DOCK3: variants seen among roughly 807,000 people sequenced by gnomAD.
DOCK3 encodes dedicator of cytokinesis protein 3.
Under a neutral mutation model 265.6 loss-of-function variants are expected in DOCK3, and 60 were observed. That is an observed-to-expected ratio of 0.23 (90% CI 0.18 to 0.28). The LOEUF (loss-of-function observed/expected upper bound fraction) is 0.28, where lower values mean the gene tolerates loss of function less well. DOCK3 is among the 10% of genes least tolerant of loss of function. The pLI, the probability that DOCK3 is intolerant of heterozygous loss-of-function variation, is 1.00. For synonymous variants in DOCK3, 881 were observed against 938.0 expected (o/e 0.94, Z 1.11); for missense variants, 1,981 against 2,594.3 (o/e 0.76, Z 5.14).
chr3:50,821,889 TACC>T (rs1164863439), intron 2 of DOCK3, among the ~76,000 whole-genome samples: 33 of 152,344 alleles, frequency 2.2e-4, no homozygotes, highest in African/African-American at 7.7e-4. Flanking sequence ...TTTGTACCAG[TACC>T]ATGCTGTTTT....
chr3:51,264,325 A>C (rs1388247757), intron 23 of DOCK3, among the ~76,000 whole-genome samples: 1 of 152,128 alleles, frequency 6.6e-6, no homozygotes, highest in Non-Finnish European at 1.5e-5. Flanking sequence ...TACATAACGA[A>C]ATTAAGGCAG....
chr3:51,101,987 TTTG>T (rs1332902363), intron 9 of DOCK3, among the ~76,000 whole-genome samples: 1 of 152,178 alleles, frequency 6.6e-6, no homozygotes, highest in African/African-American at 2.4e-5. Context: ...AAGCTTGAAG[TTTG>T]TTACCTTTCT....
chr3:50,750,191 G>A (rs1256525068), intron 1 of DOCK3, among the ~76,000 whole-genome samples: 2 of 152,010 alleles, frequency 1.3e-5, no homozygotes, highest in African/African-American at 2.4e-5. Context: ...CTGAGGTAGG[G>A]CAATTTCATC....
chr3:51,043,289 A>G (rs749173897), intron 5 of DOCK3, among the ~76,000 whole-genome samples: 9 of 152,200 alleles, frequency 5.9e-5, no homozygotes, highest in Admixed American at 5.2e-4. Context: ...CCGCACACCT[A>G]CAACTATCTG....
intron 5 of DOCK3, among the ~76,000 whole-genome samples, chr3:50,958,261 C>T (rs1481546564): frequency 6.6e-6 from 1 of 152,170 alleles, no homozygotes; most frequent in Non-Finnish European, 1.5e-5. Flanking sequence ...ATAGCTGCAC[C>T]TTCAGTTCTC....
At chr3:51,013,788 C>T (rs1292712614) in intron 5 of DOCK3, among the ~76,000 whole-genome samples, 1 of 152,216 alleles carries the variant, frequency 6.6e-6, no homozygotes, top group East Asian at 1.9e-4. Flanking sequence ...GTGGAATCTA[C>T]AGAGACAGTC....
chr3:51,167,120 G>A (rs918268492), intron 12 of DOCK3, among the ~76,000 whole-genome samples: 26 of 152,098 alleles, frequency 1.7e-4, no homozygotes, highest in Admixed American at 4.6e-4. Flanking sequence ...AATCTCTTTC[G>A]AGTTAGTTTT....
intron 10 of DOCK3, among the ~76,000 whole-genome samples, chr3:51,148,865 T>C (rs1192745712): frequency 1.3e-5 from 2 of 152,196 alleles, no homozygotes; most frequent in African/African-American, 4.8e-5. Flanking sequence ...AGTAGTTTTT[T>C]CCAATTCTGT....
intron 27 of DOCK3, among the ~76,000 whole-genome samples, chr3:51,297,735 G>A (rs145377917): frequency 2.0e-5 from 3 of 152,116 alleles, no homozygotes; most frequent in African/African-American, 7.2e-5. Context: ...AGGAGTTGGA[G>A]ACAAGCCTGG....
At chr3:51,082,618 G>A (rs2082280757) in intron 7 of DOCK3, among the ~76,000 whole-genome samples, 1 of 152,188 alleles carries the variant, frequency 6.6e-6, no homozygotes. Context: ...AGGCCTGGGG[G>A]ACTGGTTCAC....
rs1035119908 is a variant in DOCK3 at position 51,044,123 on chromosome 3, A to G, written c.316-20325A>G. On this transcript the variant is annotated intron_variant, in intron 5 of 52. Transcript: ENST00000266037. ...ATAATTTTATGATAAAGACACATGCATATGTTATGTTCATTGTAGCACTAT... is the reference window on the plus strand; with the variant it reads ...ATAATTTTATGATAAAGACACATGCGTATGTTATGTTCATTGTAGCACTAT... 2.0e-5 allele frequency among the ~76,000 whole-genome samples: 3 copies of G among 152,156 alleles called. No individual in the cohort carries two copies. The South Asian group carries it at 6.2e-4, about 32-fold the overall frequency.
At chr3:51,076,567 T>C (rs1245823431) in intron 7 of DOCK3, among the ~76,000 whole-genome samples, 1 of 152,186 alleles carries the variant, frequency 6.6e-6, no homozygotes, top group Non-Finnish European at 1.5e-5. Context: ...GCAAGTATGC[T>C]TTGCATACAA....
chr3:50,769,110 A>G (rs975698121), intron 1 of DOCK3, among the ~76,000 whole-genome samples: 18 of 149,268 alleles, frequency 1.2e-4, no homozygotes, highest in Admixed American at 1.0e-3. Flanking sequence ...TGAGTTCCTT[A>G]TATTCTGGAT....
intron 12 of DOCK3, 144 bp downstream of exon 12, chr3:51,160,846 G>A: frequency 9.9e-7 from 1 of 1,011,686 alleles, no homozygotes; most frequent in Non-Finnish European, 1.4e-6. Flanking sequence ...GGAGGCCAAG[G>A]TGGGCAAATC....
chr3:51,294,234 A>G (rs1009654713), intron 27 of DOCK3, among the ~76,000 whole-genome samples: 3 of 152,202 alleles, frequency 2.0e-5, no homozygotes, highest in African/African-American at 4.8e-5. Context: ...TGTGGTATAT[A>G]TACACAGGCA....
chr3:51,049,685 C>A (rs2080914799), intron 5 of DOCK3, among the ~76,000 whole-genome samples: 2 of 151,198 alleles, frequency 1.3e-5, no homozygotes, highest in Admixed American at 1.3e-4. Flanking sequence ...CTAGCCAGAA[C>A]AAATAGACAA....
intron 9 of DOCK3, among the ~76,000 whole-genome samples, chr3:51,119,319 T>C (rs1349878893): frequency 1.3e-5 from 2 of 152,218 alleles, no homozygotes; most frequent in African/African-American, 4.8e-5. Context: ...TTATACGGTT[T>C]CTACAGAGAG....
At chr3:50,679,005 A>G (rs2034191845) in intron 1 of DOCK3, among the ~76,000 whole-genome samples, 1 of 151,950 alleles carries the variant, frequency 6.6e-6, no homozygotes, top group Admixed American at 6.6e-5. Context: ...AGTAGAGATG[A>G]GGTTTCACCA....
chr3:50,793,287 A>T (rs2042585570), intron 2 of DOCK3, among the ~76,000 whole-genome samples: 2 of 146,072 alleles, frequency 1.4e-5, no homozygotes, highest in African/African-American at 2.5e-5. Flanking sequence ...GTTTATTTGG[A>T]TATTCACTTT....
Sources: gnomAD v4.1 joint callset for allele counts (sites outside exome capture counted in the v4.1 genomes callset) on GRCh38, gnomAD v4.1.1 for gene constraint, MANE v1.5 for transcripts, NCBI Gene and HGNC (gene_info 2026-07-23, HGNC 2026-07-21) for gene names.